Variants in LYG2 observed in about 807,000 individuals in gnomAD.
LYG2 encodes lysozyme g-like protein 2.
LYG2 carries 25 observed loss-of-function variants against 22.4 expected under a neutral mutation model. The observed-to-expected ratio is 1.12, with a 90% confidence interval of 0.81 to 1.56. The LOEUF (loss-of-function observed/expected upper bound fraction) is 1.56, where lower values mean the gene tolerates loss of function less well. Among genes scored for constraint, LYG2 ranks in the 40% most tolerant of loss-of-function variants. The pLI, the probability that LYG2 is intolerant of heterozygous loss-of-function variation, is 0.00. For synonymous variants in LYG2, 88 were observed against 97.0 expected (o/e 0.91, Z 0.55); for missense variants, 266 against 269.5 (o/e 0.99, Z 0.09).
chr2:99,253,072 C>T (rs2094030168), intron 3 of LYG2, among the ~76,000 whole-genome samples: 1 of 136,048 alleles, frequency 7.4e-6, no homozygotes, highest in African/African-American at 2.7e-5. Flanking sequence ...AAAAAAAAGG[C>T]TTATCACTGG....
intron 3 of LYG2, among the ~76,000 whole-genome samples, chr2:99,251,297 A>G (rs2094026134): frequency 6.6e-6 from 1 of 152,234 alleles, no homozygotes; most frequent in South Asian, 2.1e-4. Context: ...CACATAGAGG[A>G]GAATTATCTT....
chr2:99,250,435 T>C (rs1246669311), intron 3 of LYG2, among the ~76,000 whole-genome samples: 1 of 146,746 alleles, frequency 6.8e-6, no homozygotes, highest in South Asian at 2.2e-4. Flanking sequence ...AGTACAGTGG[T>C]GCGATCATGG....
chr2:99,251,292 AGAG>A (rs1461218895), intron 3 of LYG2, among the ~76,000 whole-genome samples: 1 of 152,236 alleles, frequency 6.6e-6, no homozygotes, highest in African/African-American at 2.4e-5. Flanking sequence ...ATAAACACAT[AGAG>A]GAGAATTATC....
At chr2:99,245,821 T>C (rs2094015206) in intron 4 of LYG2, among the ~76,000 whole-genome samples, 1 of 152,014 alleles carries the variant, frequency 6.6e-6, no homozygotes, top group African/African-American at 2.4e-5. Context: ...TCGCTTCTGC[T>C]CTGTTTCTCC....
At chr2:99,249,761 C>CAAAAAAGAAAAAAAAAAAAAAA (rs2094022921) in intron 3 of LYG2, among the ~76,000 whole-genome samples, 1 of 65,296 alleles carries the variant, frequency 1.5e-5, no homozygotes. Flanking sequence ...AACTCTGTCT[C>CAAAAAAGAAAAAAAAAAAAAAA]AAAAAAAAAA....
intron 5 of LYG2, 74 bp from the exon 6 acceptor site, chr2:99,244,211 C>A: frequency 6.7e-7 from 1 of 1,487,060 alleles, no homozygotes; most frequent in South Asian, 1.3e-5. Flanking sequence ...AATTTCCTCT[C>A]CTGGTATTCA....
At chr2:99,246,613 C>A in intron 4 of LYG2, 67 bp downstream of exon 4, 2 of 1,553,346 alleles carry the variant, frequency 1.3e-6, no homozygotes, top group Non-Finnish European at 1.7e-6. Context: ...AATTAAGTGA[C>A]TTCCTAAGAA....
At chr2:99,251,547 T>A (rs2105274428) in intron 3 of LYG2, among the ~76,000 whole-genome samples, 1 of 152,336 alleles carries the variant, frequency 6.6e-6, no homozygotes, top group East Asian at 1.9e-4. Context: ...GTAAAATGCT[T>A]GCATTCTTAA....
chr2:99,245,390 T>A lies in LYG2; in HGVS notation c.253A>T (p.Lys85Ter). Residue 85 changes from lysine to a stop codon, truncating the protein, a stop_gained, in exon 5 of 7, where the codon AAA (lysine) becomes TAA (stop). Coordinates refer to ENST00000333017, the MANE Select transcript of LYG2 (RefSeq NM_175735.4). LOFTEE classifies it high-confidence loss of function. ...RAIKPYQTLI[K>*]EVGQRHCVDP... ...ACGCAATGTCTCTGCCCGACTTCTT[T>A]GATCAGAGTCTGGTAAGGTTTTATG... 6.2e-7 allele frequency: 1 copy of A among 1,613,262 alleles called. No individual in the cohort carries two copies. The highest frequency in any genetic ancestry group is 8.5e-7 in the Non-Finnish European group (1 of 1,179,584).
chr2:99,249,369 T>C (rs1005553451), intron 3 of LYG2, among the ~76,000 whole-genome samples: 1 of 151,452 alleles, frequency 6.6e-6, no homozygotes, highest in Non-Finnish European at 1.5e-5. Flanking sequence ...GCAGTGAGCT[T>C]TGATGGTGCC....
At chr2:99,248,508 T>C (rs2094020342) in intron 3 of LYG2, among the ~76,000 whole-genome samples, 1 of 148,530 alleles carries the variant, frequency 6.7e-6, no homozygotes, top group Non-Finnish European at 1.5e-5. Context: ...CCACATGTTC[T>C]CACTCATAGG....
intron 3 of LYG2, among the ~76,000 whole-genome samples, chr2:99,250,365 T>C (rs1231189578): frequency 6.6e-6 from 1 of 151,256 alleles, no homozygotes; most frequent in East Asian, 2.0e-4. Flanking sequence ...TAACAGCATT[T>C]TCCAACTCTT....
chr2:99,246,691 A>T lies in LYG2; in HGVS notation c.173T>A (p.Val58Glu). 1 of 1,613,732 alleles carries T rather than the reference A, an allele frequency of 6.2e-7. No individual in the cohort carries two copies. Among genetic ancestry groups the T allele is most frequent in the Non-Finnish European group, 8.5e-7 (1 of 1,179,940 alleles). Residue 58 changes from valine to glutamate, a missense_variant, in exon 4 of 7, where the codon GTG becomes GAG. Coordinates refer to ENST00000333017, the MANE Select transcript of LYG2 (RefSeq NM_175735.4). The part of the protein sequence containing the change: ...TSGATCDANS[V>E]MNCGIRGSEM... ...TGCTTTTCACTTACCGCAGTTCATC[A>T]CACTGTTTGCATCACAAGTGGCCCC...
chr2:99,257,399 TA>T (rs1559209217), upstream of LYG2, among the ~76,000 whole-genome samples: 1 of 152,172 alleles, frequency 6.6e-6, no homozygotes, highest in Non-Finnish European at 1.5e-5. Flanking sequence ...GCCTAACTCT[TA>T]ACTGCAGTAC....
At chr2:99,248,099 T>A (rs2094019486) in intron 3 of LYG2, among the ~76,000 whole-genome samples, 1 of 151,938 alleles carries the variant, frequency 6.6e-6, no homozygotes, top group Admixed American at 6.5e-5. Context: ...CTGGAGAGGA[T>A]GTGGAGAAAT....
intron 6 of LYG2, among the ~76,000 whole-genome samples, chr2:99,242,992 T>C (rs2094009091): frequency 6.6e-6 from 1 of 152,214 alleles, no homozygotes; most frequent in Admixed American, 6.5e-5. Flanking sequence ...CTAGTAGTTA[T>C]GTATGTGTTT....
chr2:99,243,828 A>G (rs2105269775), intron 6 of LYG2, 171 bp downstream of exon 6: 1 of 682,444 alleles, frequency 1.5e-6, no homozygotes, highest in Non-Finnish European at 2.5e-6. Context: ...AGGATGGAGG[A>G]CCTCTCAAAG....
In LYG2 at chr2:99,244,155, TAA is replaced by T; in HGVS notation, c.382-20_382-19del. 2 of 1,610,048 alleles carry T rather than the reference TAA, an allele frequency of 1.2e-6. No homozygotes were observed. The highest frequency in any genetic ancestry group is 2.2e-5 in the South Asian group (2 of 90,376). The stretch of plus-strand genomic sequence containing the variant: ...TTATCAAGCTAGAAAATTCAGATAA[TAA>T]AGTCAGCATCTGGATGAGGTAACAC... On this transcript the variant is annotated intron_variant, in intron 5 of 6. Transcript: ENST00000333017.
At chr2:99,260,820 CAGAT>C in the LYG2 span, among the ~76,000 whole-genome samples, 4 of 152,120 alleles carry the variant, frequency 2.6e-5, no homozygotes, top group Non-Finnish European at 5.9e-5. Context: ...AGAAAAAAAT[CAGAT>C]AGCAATGCAG....
Sources: gnomAD v4.1 joint callset for allele counts (sites outside exome capture counted in the v4.1 genomes callset) on GRCh38, gnomAD v4.1.1 for gene constraint, MANE v1.5 for transcripts, NCBI Gene and HGNC (gene_info 2026-07-23, HGNC 2026-07-21) for gene names.